The following CCDC7 variants were observed in gnomAD, a reference collection of about 807,000 sequenced individuals.
CCDC7 encodes the protein coiled-coil domain containing 7, also known as coiled-coil domain-containing protein 7.
CCDC7 carries 183 observed loss-of-function variants against 196.9 expected under a neutral mutation model. The ratio of observed to expected loss-of-function variants is 0.93; its 90% CI spans 0.82 to 1.05. The LOEUF (loss-of-function observed/expected upper bound fraction) is 1.05. Ranked by LOEUF, CCDC7 falls within the 50% of genes least tolerant of loss-of-function variation. The pLI, the probability that CCDC7 is intolerant of heterozygous loss-of-function variation, is 0.00. For missense variants in CCDC7, 1,540 were observed against 1,482.2 expected (o/e 1.04, Z -0.64); for synonymous variants, 525 against 484.6 (o/e 1.08, Z -1.10).
intron 9 of CCDC7, among the ~76,000 whole-genome samples, chr10:32,508,087 C>G (rs1193155489): frequency 6.6e-6 from 1 of 152,170 alleles, no homozygotes; most frequent in Non-Finnish European, 1.5e-5. Context: ...GAAGTAAAAT[C>G]ATGTGTTTAT....
chr10:32,494,580 G>A (rs956859487), intron 9 of CCDC7, among the ~76,000 whole-genome samples: 1 of 152,060 alleles, frequency 6.6e-6, no homozygotes, highest in Non-Finnish European at 1.5e-5. Flanking sequence ...GGTGTGTGAT[G>A]TTCCCCTCCC....
chr10:32,643,925 TGTG>T (rs2067297509), intron 20 of CCDC7, among the ~76,000 whole-genome samples: 2 of 150,674 alleles, frequency 1.3e-5, no homozygotes, highest in Non-Finnish European at 3.0e-5. Flanking sequence ...TTAATTGAAT[TGTG>T]GTCTTTTACT....
chr10:32,780,315 G>A (rs1247602927), intron 29 of CCDC7, among the ~76,000 whole-genome samples: 1 of 152,106 alleles, frequency 6.6e-6, no homozygotes, highest in Non-Finnish European at 1.5e-5. Context: ...AGGAAATAAA[G>A]ATCTCTGGCA....
intron 13 of CCDC7, among the ~76,000 whole-genome samples, chr10:32,546,836 T>C (rs1401363315): frequency 6.6e-6 from 1 of 152,168 alleles, no homozygotes; most frequent in East Asian, 1.9e-4. Flanking sequence ...CCATTATATG[T>C]CTTGAGAATC....
chr10:32,491,838 C>T (rs2042202502), intron 8 of CCDC7, 84 bp from the exon 10 acceptor site: 2 of 1,300,684 alleles, frequency 1.5e-6, no homozygotes, highest in East Asian at 2.7e-5. Context: ...TTAGCTTTCA[C>T]ATCTATAGCA....
intron 33 of CCDC7, among the ~76,000 whole-genome samples, chr10:32,837,557 C>A (rs2092698618): frequency 1.3e-5 from 2 of 151,956 alleles, no homozygotes; most frequent in African/African-American, 4.8e-5. Flanking sequence ...CCATTTGACC[C>A]AGCCATCCCA....
intron 5 of CCDC7, among the ~76,000 whole-genome samples, chr10:32,466,443 AC>A (rs1417716819): frequency 2.6e-5 from 4 of 151,800 alleles, no homozygotes; most frequent in African/African-American, 9.7e-5. Context: ...CCTCATGTAG[AC>A]CCCAGTGTCT....
chr10:32,799,458 G>A (rs2084329348), intron 29 of CCDC7, among the ~76,000 whole-genome samples: 1 of 152,142 alleles, frequency 6.6e-6, no homozygotes, highest in South Asian at 2.1e-4. Flanking sequence ...ACTAAAAATT[G>A]GCAGCCTTTT....
At chr10:32,741,709 T>C (rs978951233) in intron 28 of CCDC7, among the ~76,000 whole-genome samples, 31 of 152,166 alleles carry the variant, frequency 2.0e-4, no homozygotes, top group East Asian at 9.6e-4. Context: ...TTGTATTATT[T>C]AAATCTTCCA....
chr10:32,445,498 T>C (rs2030734000), upstream of CCDC7, among the ~76,000 whole-genome samples: 9 of 152,344 alleles, frequency 5.9e-5, 1 homozygote, highest in South Asian at 1.9e-3. Context: ...ACAGGCATTA[T>C]TAACAGTTAA....
intron 29 of CCDC7, among the ~76,000 whole-genome samples, chr10:32,801,446 C>A (rs1360227096): frequency 6.6e-6 from 1 of 152,164 alleles, no homozygotes; most frequent in Non-Finnish European, 1.5e-5. Context: ...ATGCAGAATC[C>A]CTGCTTAGTG....
At chr10:32,548,925 C>G (rs1210191958) in intron 13 of CCDC7, among the ~76,000 whole-genome samples, 1 of 152,102 alleles carries the variant, frequency 6.6e-6, no homozygotes, top group South Asian at 2.1e-4. Context: ...TGGGTAGATA[C>G]CCAGTAGTGG....
exon 1 of CCDC7, chr10:32,451,679 A>G: frequency 1.2e-6 from 2 of 1,612,350 alleles, no homozygotes; most frequent in Non-Finnish European, 1.7e-6. Flanking sequence ...CACCAGTAAC[A>G]AATCGGCAAA....
intron 18 of CCDC7, among the ~76,000 whole-genome samples, chr10:32,585,950 A>G (rs2059226726): frequency 6.6e-6 from 1 of 152,174 alleles, no homozygotes; most frequent in Non-Finnish European, 1.5e-5. Flanking sequence ...GAATCGCCAC[A>G]CTGTCTTCCA....
chr10:32,881,459 G>C (rs1425756764), downstream of CCDC7, among the ~76,000 whole-genome samples: 2 of 152,030 alleles, frequency 1.3e-5, no homozygotes, highest in Non-Finnish European at 1.5e-5. Context: ...AAAATTCAGG[G>C]AACTCATAAC....
At chr10:32,807,901 T>G (rs899067590) in intron 30 of CCDC7, among the ~76,000 whole-genome samples, 2 of 152,100 alleles carry the variant, frequency 1.3e-5, no homozygotes, top group African/African-American at 4.8e-5. Context: ...CAGCTAATTT[T>G]TGTATTTTCA....
At chr10:32,599,738 T>A (rs1276022835) in intron 18 of CCDC7, among the ~76,000 whole-genome samples, 1 of 152,142 alleles carries the variant, frequency 6.6e-6, no homozygotes, top group Non-Finnish European at 1.5e-5. Flanking sequence ...AGTGTGAGAT[T>A]TTAGTGCACC....
At chr10:32,730,882 T>A (rs1013936868) in intron 28 of CCDC7, among the ~76,000 whole-genome samples, 1 of 152,050 alleles carries the variant, frequency 6.6e-6, no homozygotes, top group African/African-American at 2.4e-5. Flanking sequence ...AAATTATTTT[T>A]AATTACATTA....
chr10:32,538,746 G>T (rs773977015), intron 11 of CCDC7, among the ~76,000 whole-genome samples: 10 of 152,086 alleles, frequency 6.6e-5, no homozygotes, highest in Non-Finnish European at 1.3e-4. Flanking sequence ...ATAATACTAT[G>T]GTTTTGGTTT....
Sources: allele counts gnomAD v4.1 joint callset (sites outside exome capture counted in the v4.1 genomes callset), GRCh38; gene constraint gnomAD v4.1.1; transcripts MANE v1.5; gene names NCBI Gene and HGNC (gene_info 2026-07-23, HGNC 2026-07-21).